Variants in PRRX2 observed in about 807,000 individuals in gnomAD.
The protein encoded by PRRX2 is paired mesoderm homeobox protein 2.
A neutral mutation model predicts 18.0 loss-of-function variants in PRRX2; 11 were observed. The observed-to-expected ratio is 0.61, with a 90% CI of 0.39 to 1.01. PRRX2 has a LOEUF of 1.01. PRRX2 is among the 50% of genes least tolerant of loss of function. The pLI is 0.01. For missense variants in PRRX2, 387 were observed against 351.0 expected (o/e 1.10, Z -0.82); for synonymous variants, 177 against 154.8 (o/e 1.14, Z -1.06).
intron 1 of PRRX2, among the ~76,000 whole-genome samples, chr9:129,683,848 C>G (rs1187501718): frequency 6.6e-6 from 1 of 152,212 alleles, no homozygotes; most frequent in South Asian, 2.1e-4. Flanking sequence ...AGCGCCACCC[C>G]CAGGCTGCAC....
chr9:129,697,770 C>T (rs1425741126), intron 1 of PRRX2, among the ~76,000 whole-genome samples: 2 of 152,032 alleles, frequency 1.3e-5, no homozygotes, highest in South Asian at 2.1e-4. Context: ...CAGAAACCTG[C>T]CCCCCTGCTA....
chr9:129,713,563 C>G (rs925420731), intron 1 of PRRX2, among the ~76,000 whole-genome samples: 2 of 152,210 alleles, frequency 1.3e-5, no homozygotes, highest in Non-Finnish European at 2.9e-5. Context: ...GAGGAGGCCC[C>G]GTGAAGAGGG....
At chr9:129,673,898 C>T (rs900065989) in intron 1 of PRRX2, among the ~76,000 whole-genome samples, 4 of 152,164 alleles carry the variant, frequency 2.6e-5, no homozygotes, top group African/African-American at 9.7e-5. Context: ...ATCTTGCTGG[C>T]TCCCACACTG....
At chr9:129,693,154 G>A (rs1330628468) in intron 1 of PRRX2, among the ~76,000 whole-genome samples, 2 of 152,098 alleles carry the variant, frequency 1.3e-5, no homozygotes, top group Non-Finnish European at 2.9e-5. Flanking sequence ...TACAAGATAC[G>A]GTGTATCTTT....
intron 3 of PRRX2, among the ~76,000 whole-genome samples, chr9:129,721,363 G>A (rs559575310): frequency 3.3e-5 from 5 of 152,230 alleles, no homozygotes; most frequent in African/African-American, 9.6e-5. Context: ...TGACATGGTC[G>A]GCAGGAGGTG....
chr9:129,678,905 A>C (rs1179775566), intron 1 of PRRX2, among the ~76,000 whole-genome samples: 2 of 152,162 alleles, frequency 1.3e-5, no homozygotes, highest in African/African-American at 2.4e-5. Flanking sequence ...CCAGTCTCCA[A>C]AGGAGCTGAC....
rs1200772645 is a variant in PRRX2 at position 129,666,253 on chromosome 9, T to C, written c.259+127T>C. The C allele has an allele frequency of 6.6e-6, 5 of 763,144 alleles. No individual in the cohort carries two copies. The African/African-American group carries it at 7.7e-5, about 12-fold the overall frequency. The allele number at this position is 763,144 out of a possible 1,614,324, so 47.3% of individuals were successfully genotyped here. ...GGCGCGTGGTCGGCGGCAGGACTTC[T>C]GGGGGCGCGTGTAAGTGACGGTGGA... On this transcript the variant is annotated intron_variant, in intron 1 of 3. Transcript: ENST00000372469.
At chr9:129,686,150 G>A (rs1832297053) in intron 1 of PRRX2, among the ~76,000 whole-genome samples, 1 of 152,170 alleles carries the variant, frequency 6.6e-6, no homozygotes, top group South Asian at 2.1e-4. Flanking sequence ...TAGGGGGCAG[G>A]GGCACCCAGT....
chr9:129,708,579 A>G (rs1290864469), intron 1 of PRRX2, among the ~76,000 whole-genome samples: 8 of 152,336 alleles, frequency 5.3e-5, no homozygotes, highest in Middle Eastern at 3.4e-3. Context: ...CTTACCAAAT[A>G]TGTAATGTGT....
rs1259176598 is a variant in PRRX2, at chr9:129,671,335, C to T, written c.259+5209C>T. ...GCCTGCATCTCGGCCTTCTTTTCGC[C>T]AGGGAGGGTTGGTTCATTATTTGTG... On this transcript the variant is annotated intron_variant, in intron 1 of 3. Coordinates refer to ENST00000372469, the MANE Select transcript of PRRX2 (RefSeq NM_016307.4). The surrounding 1 kb of genome is among the most constrained non-coding windows in gnomAD (Gnocchi z 4.0). 6.6e-6 allele frequency among the ~76,000 whole-genome samples: 1 copy of T among 152,188 alleles called. No individual in the cohort carries two copies. Among genetic ancestry groups the T allele is most frequent in the Non-Finnish European group, 1.5e-5 (1 of 68,040 alleles).
At chr9:129,717,653 G>A (rs1227843315) in intron 1 of PRRX2, among the ~76,000 whole-genome samples, 1 of 141,344 alleles carries the variant, frequency 7.1e-6, no homozygotes, top group Non-Finnish European at 1.5e-5. Context: ...CCAAGATCAT[G>A]CCACTGTACT....
At chr9:129,719,122 CCTGGCGGCGG>C in intron 1 of PRRX2, 99 bp from the exon 2 acceptor site, 1 of 1,077,692 alleles carries the variant, frequency 9.3e-7, no homozygotes, top group East Asian at 2.8e-5. Context: ...GGGACGCATT[CCTGGCGGCGG>C]CACTAAAGCA....
intron 1 of PRRX2, among the ~76,000 whole-genome samples, chr9:129,685,457 C>T (rs1832289505): frequency 6.6e-6 from 1 of 152,178 alleles, no homozygotes; most frequent in African/African-American, 2.4e-5. Flanking sequence ...GCCTCAACCT[C>T]CTGGGCTGTT....
At chr9:129,672,430 G>A (rs140330086) in intron 1 of PRRX2, among the ~76,000 whole-genome samples, 5 of 152,308 alleles carry the variant, frequency 3.3e-5, no homozygotes, top group East Asian at 1.9e-4. Flanking sequence ...AGGTCACACC[G>A]TTCCCATTCC....
At chr9:129,688,045 A>C (rs1194769024) in intron 1 of PRRX2, among the ~76,000 whole-genome samples, 1 of 152,056 alleles carries the variant, frequency 6.6e-6, no homozygotes, top group African/African-American at 2.4e-5. Context: ...ACAAGTGTGC[A>C]CCACCACGCC....
At chr9:129,692,727 C>T (rs976904195) in intron 1 of PRRX2, among the ~76,000 whole-genome samples, 4 of 152,092 alleles carry the variant, frequency 2.6e-5, no homozygotes, top group African/African-American at 4.8e-5. Flanking sequence ...TTTCATGGTT[C>T]GATAGCTCCT....
chr9:129,671,271 A>T lies in PRRX2; in HGVS notation c.259+5145A>T, dbSNP rs1035641953. Among the ~76,000 whole-genome samples, 1 of 152,132 alleles carries T rather than the reference A, an allele frequency of 6.6e-6. No individual in the cohort carries two copies. The highest frequency in any genetic ancestry group is 2.4e-5 in the African/African-American group (1 of 41,424). On this transcript the variant is annotated intron_variant, in intron 1 of 3. Transcript: ENST00000372469. The surrounding 1 kb of genome is among the most constrained non-coding windows in gnomAD (Gnocchi z 4.0). ...GTGCCCAGGGGGCCTTCCGTTTGGG[A>T]ACTGCTGGGCCTCCCAGCGTGGCTA...
chr9:129,712,623 C>T (rs1236349242), intron 1 of PRRX2, among the ~76,000 whole-genome samples: 1 of 152,110 alleles, frequency 6.6e-6, no homozygotes, highest in East Asian at 1.9e-4. Context: ...GGGACGATGT[C>T]GTTTTGGTTT....
chr9:129,669,580 C>A (rs1296718603), intron 1 of PRRX2, among the ~76,000 whole-genome samples: 1 of 152,212 alleles, frequency 6.6e-6, no homozygotes, highest in Non-Finnish European at 1.5e-5. Flanking sequence ...TTTGGAAAAC[C>A]CCAGGATTCA....
Sources: allele counts gnomAD v4.1 joint callset (sites outside exome capture counted in the v4.1 genomes callset), GRCh38; gene constraint gnomAD v4.1.1; non-coding constraint Gnocchi (gnomAD v3.1); transcripts MANE v1.5; gene names NCBI Gene and HGNC (gene_info 2026-07-23, HGNC 2026-07-21).